The following DTHD1 variants were observed in gnomAD, a reference collection of about 807,000 sequenced individuals.
DTHD1 encodes the protein death domain-containing protein 1.
A neutral mutation model predicts 74.8 loss-of-function variants in DTHD1; 59 were observed. The observed-to-expected ratio is 0.79, with a 90% CI of 0.64 to 0.98. The LOEUF (loss-of-function observed/expected upper bound fraction) is 0.98, where lower values mean the gene tolerates loss of function less well. Ranked by LOEUF, DTHD1 falls within the 50% of genes least tolerant of loss-of-function variation. DTHD1 has a pLI of 0.00. For missense variants in DTHD1, 1,051 were observed against 1,065.4 expected (o/e 0.99, Z 0.19); for synonymous variants, 365 against 371.1 (o/e 0.98, Z 0.19).
rs140305891 is a variant in DTHD1, at chr4:36,285,584, G to A, written c.887+993G>A. On this transcript the variant is annotated intron_variant, in intron 2 of 9. Coordinates refer to ENST00000639862, the MANE Select transcript of DTHD1 (RefSeq NM_001170700.3). ...AGAGGTAATAAGGCCCTATTTGTCCGTATAAAATAAGATATTCACAGACCA... is the reference window on the plus strand; with the variant it reads ...AGAGGTAATAAGGCCCTATTTGTCCATATAAAATAAGATATTCACAGACCA... 4.6e-3 allele frequency among the ~76,000 whole-genome samples: 700 copies of A among 151,408 alleles called. 3 individuals carry two copies. Among genetic ancestry groups the A allele is most frequent in the African/African-American group, 0.016 (674 of 41,160 alleles).
intron 8 of DTHD1, among the ~76,000 whole-genome samples, chr4:36,337,141 G>A (rs1367353721): frequency 6.6e-6 from 1 of 152,026 alleles, no homozygotes; most frequent in Non-Finnish European, 1.5e-5. Context: ...AGCGAAAAGA[G>A]GGCACAGACC....
chr4:36,333,056 A>C (rs1228715806), intron 8 of DTHD1, among the ~76,000 whole-genome samples: 1 of 152,164 alleles, frequency 6.6e-6, no homozygotes, highest in African/African-American at 2.4e-5. Flanking sequence ...TTCTGTATGC[A>C]GGGGAGTTAG....
At chr4:36,283,776 G>A in intron 1 of DTHD1, 200 bp from the exon 2 acceptor site, 1 of 560,028 alleles carries the variant, frequency 1.8e-6, no homozygotes, top group South Asian at 2.5e-5. Flanking sequence ...GTTAAAAATG[G>A]TTTGTTGTCA....
Position 36,343,720 on chromosome 4 carries a change from C to A in DTHD1, c.2617C>A (p.Leu873Ile). 6.4e-7 allele frequency: 1 copy of A among 1,551,654 alleles called. No individual in the cohort carries two copies. The highest frequency in any genetic ancestry group is 8.7e-7 in the Non-Finnish European group (1 of 1,146,938). Residue 873 changes from leucine (L) to isoleucine (I), a missense_variant, in exon 10 of 10, where the codon CTC becomes ATC. Transcript: ENST00000639862. Reference sequence around the variant, plus strand: ...CAAACTTCGCCTCCTGGCTCGACATCTCCGCAAGATTGGCAGGAGTGATCT... The same window carrying A: ...CAAACTTCGCCTCCTGGCTCGACATATCCGCAAGATTGGCAGGAGTGATCT... ...TDKLRLLARH[L>I]RKIGRSDLAE...
intron 5 of DTHD1, among the ~76,000 whole-genome samples, chr4:36,305,710 G>A (rs1348656871): frequency 6.6e-6 from 1 of 152,088 alleles, no homozygotes; most frequent in African/African-American, 2.4e-5. Context: ...CTTTGAAACT[G>A]GGCAGTTTTG....
intron 7 of DTHD1, among the ~76,000 whole-genome samples, chr4:36,314,543 G>A (rs1008034051): frequency 6.4e-4 from 97 of 151,130 alleles, no homozygotes; most frequent in Middle Eastern, 3.4e-3. Flanking sequence ...TTACCCAGGC[G>A]TGGTGGCCCA....
chr4:36,284,996 G>C, intron 2 of DTHD1, among the ~76,000 whole-genome samples: 1 of 152,070 alleles, frequency 6.6e-6, no homozygotes, highest in East Asian at 1.9e-4. Flanking sequence ...TGAATTTTGA[G>C]GAGACACAAA....
At chr4:36,302,241 C>A (rs1233978589) in intron 5 of DTHD1, among the ~76,000 whole-genome samples, 1 of 152,202 alleles carries the variant, frequency 6.6e-6, no homozygotes, top group African/African-American at 2.4e-5. Flanking sequence ...TTTTCAATAG[C>A]AGTGAGGCAG....
intron 8 of DTHD1, among the ~76,000 whole-genome samples, chr4:36,336,487 G>T (rs1210074651): frequency 1.3e-5 from 2 of 152,188 alleles, no homozygotes; most frequent in Admixed American, 6.5e-5. Context: ...GAAGGAAAAG[G>T]TGTGGAAAGC....
At chr4:36,331,671 T>C (rs944586147) in intron 8 of DTHD1, among the ~76,000 whole-genome samples, 1 of 152,134 alleles carries the variant, frequency 6.6e-6, no homozygotes, top group African/African-American at 2.4e-5. Flanking sequence ...TAATAACCTA[T>C]TAGAATGTCT....
chr4:36,300,222 G>A (rs539821038), intron 5 of DTHD1, among the ~76,000 whole-genome samples: 1 of 152,076 alleles, frequency 6.6e-6, no homozygotes, highest in African/African-American at 2.4e-5. Flanking sequence ...CAGGCATAAT[G>A]GAGTTGCTTT....
intron 8 of DTHD1, chr4:36,332,815 T>C (rs959303814): frequency 1.3e-5 from 2 of 152,128 alleles, no homozygotes; most frequent in Admixed American, 1.3e-4. Flanking sequence ...ATTTTTTTAA[T>C]TTTCTTTTTT....
rs1759469785 is a variant in DTHD1, at chr4:36,344,019, C to G, written c.*195C>G. On this transcript the variant is annotated 3_prime_UTR_variant, in exon 10 of 10. Transcript: ENST00000639862. ...AGCATTCCTGGGTGTGAGCGCTCCT[C>G]TCTGGTTGAGTGATTATGTTTTGCA... 3.4e-6 allele frequency: 2 copies of G among 593,488 alleles called. No homozygotes were observed. The highest frequency in any genetic ancestry group is 3.7e-5 in the African/African-American group (2 of 53,714). 36.8% of individuals were successfully genotyped at this position (593,488 alleles called of 1,614,324 possible).
At chr4:36,287,860 G>A (rs55642197) in intron 2 of DTHD1, among the ~76,000 whole-genome samples, 10,288 of 152,122 alleles carry the variant, frequency 0.068, 624 homozygotes, top group African/African-American at 0.16. Flanking sequence ...ATTTGTTTGA[G>A]TTTCTTGTTG....
chr4:36,304,115 C>T (rs1756918759), intron 5 of DTHD1, among the ~76,000 whole-genome samples: 2 of 152,174 alleles, frequency 1.3e-5, no homozygotes, highest in Non-Finnish European at 2.9e-5. Flanking sequence ...ACCCAATGGT[C>T]CTGGGAGTAG....
In DTHD1 at chr4:36,306,159, G is replaced by T. The variant is rs1244117479; in HGVS notation, c.1644-32G>T. On this transcript the variant is annotated intron_variant, in intron 5 of 9. Transcript: ENST00000639862. ...AAATAAGATTTATATCATGTAAATTGTACCAATATCTCTTCTGTTACCATT... is the reference window on the plus strand; with the variant it reads ...AAATAAGATTTATATCATGTAAATTTTACCAATATCTCTTCTGTTACCATT... 4 of 1,522,334 alleles carry T rather than the reference G, an allele frequency of 2.6e-6. No individual in the cohort carries two copies. In the African/African-American group the frequency reaches 5.6e-5, roughly 21 times the overall value. 94.3% of individuals were successfully genotyped at this position (1,522,334 alleles called of 1,614,324 possible). A position where few individuals can be genotyped will look rare whatever the true frequency, so the allele number is the denominator to read the frequency against.
intron 3 of DTHD1, among the ~76,000 whole-genome samples, chr4:36,293,035 C>A (rs1756175824): frequency 6.6e-6 from 1 of 152,190 alleles, no homozygotes; most frequent in Admixed American, 6.5e-5. Flanking sequence ...TTTGGGGAAC[C>A]TAAGATACTG....
chr4:36,282,052 T>C (rs1755431890), intron 1 of DTHD1, 23 bp downstream of exon 1: 5 of 1,512,944 alleles, frequency 3.3e-6, no homozygotes, highest in African/African-American at 2.8e-5. Flanking sequence ...TTTTTTAGTT[T>C]ATTCTTTCTC....
At chr4:36,294,446 G>A (rs1756266080) in intron 4 of DTHD1, among the ~76,000 whole-genome samples, 1 of 151,798 alleles carries the variant, frequency 6.6e-6, no homozygotes, top group African/African-American at 2.4e-5. Context: ...TGTTTTTCTA[G>A]TTTCTAAAGA....
Sources: allele counts gnomAD v4.1 joint callset (sites outside exome capture counted in the v4.1 genomes callset), GRCh38; gene constraint gnomAD v4.1.1; transcripts MANE v1.5; gene names NCBI Gene and HGNC (gene_info 2026-07-23, HGNC 2026-07-21).